MSS51: variants seen among roughly 807,000 people sequenced by gnomAD.
MSS51 encodes MSS51 mitochondrial translational activator.
In MSS51, 32 loss-of-function variants were observed where a neutral mutation model predicts 40.2. The ratio of observed to expected loss-of-function variants is 0.80; its 90% confidence interval spans 0.60 to 1.07. The LOEUF (loss-of-function observed/expected upper bound fraction) is 1.07. MSS51 is among the 50% of genes least tolerant of loss of function. The pLI is 0.00. For synonymous variants in MSS51, 178 were observed against 214.2 expected, an observed-to-expected ratio of 0.83 and a Z score of 1.48; for missense variants, 518 against 568.9, an observed-to-expected ratio of 0.91 and a Z score of 0.91.
intron 3 of MSS51, 107 bp from the exon 4 acceptor site, chr10:73,426,838 G>A (rs2055993216): frequency 1.3e-5 from 18 of 1,344,728 alleles, no homozygotes; most frequent in Admixed American, 2.0e-5. Flanking sequence ...GGTAAGGAAG[G>A]TAGGGAGAGG....
chr10:73,426,738 G>T lies in MSS51; in HGVS notation c.378-7C>A, dbSNP rs781347033. The T allele has an allele frequency of 9.3e-6, 15 of 1,613,594 alleles. No individual in the cohort carries two copies. The highest frequency in any genetic ancestry group is 1.6e-4 in the Middle Eastern group (1 of 6,080). On this transcript the variant is annotated splice_polypyrimidine_tract_variant and splice_region_variant and intron_variant, in intron 3 of 6. Coordinates refer to ENST00000299432, the MANE Select transcript of MSS51 (RefSeq NM_001024593.2). ...GTAATAGACATTTCTGCACCTGAGA[G>T]AATGAGAGAGAAATAGTTCTTATAC...
In MSS51 at chr10:73,428,228, G is replaced by A. The variant is rs780825965; in HGVS notation, c.57C>T (p.Pro19=). The part of the protein sequence containing the change: ...RHKKPPSSVA[P]IIMAPTTIVT... Reference sequence around the variant, plus strand: ...CAATTGTGGTTGGGGCCATGATGATGGGAGCCACTGATGAGGGAGGTTTCT... The same window carrying A: ...CAATTGTGGTTGGGGCCATGATGATAGGAGCCACTGATGAGGGAGGTTTCT... Residue 19 remains proline, a synonymous_variant, in exon 2 of 7, where the codon CCC becomes CCT. Transcript: ENST00000299432. The A allele has an allele frequency of 6.8e-6, 11 of 1,614,120 alleles. No homozygotes were observed. The South Asian group carries it at 1.1e-4, about 16-fold the overall frequency.
chr10:73,428,025 G>C lies in MSS51; in HGVS notation c.221+39C>G, dbSNP rs762948894. On this transcript the variant is annotated intron_variant, in intron 2 of 6. Transcript: ENST00000299432. ...CACCTTCTGAAATTTACTTCTACCA[G>C]AGACAATATATCCCTTTTCCATAGA... The C allele has an allele frequency of 4.4e-6, 7 of 1,581,064 alleles. No homozygotes were observed. The South Asian group carries it at 6.7e-5, about 15-fold the overall frequency.
At chr10:73,432,124 C>T (rs1211360697) in intron 1 of MSS51, among the ~76,000 whole-genome samples, 1 of 152,182 alleles carries the variant, frequency 6.6e-6, no homozygotes, top group East Asian at 1.9e-4. Flanking sequence ...CTGCAACCTC[C>T]ACCTCCCGGG....
At chr10:73,433,461 T>C (rs1254654371) in intron 1 of MSS51, 52 bp downstream of exon 1, 1 of 152,160 alleles carries the variant, frequency 6.6e-6, no homozygotes, top group Non-Finnish European at 1.5e-5. Context: ...ATAAATACTT[T>C]ACTCAATTAT....
At chr10:73,425,620 C>T (rs1216079252) in intron 5 of MSS51, among the ~76,000 whole-genome samples, 191 bp downstream of exon 5, 2 of 150,514 alleles carry the variant, frequency 1.3e-5, no homozygotes, top group African/African-American at 2.5e-5. Context: ...CGAGATCGCG[C>T]CACTGCACTC....
intron 4 of MSS51, 52 bp from the exon 5 acceptor site, chr10:73,426,429 T>C (rs779197654): frequency 3.8e-6 from 6 of 1,580,428 alleles, no homozygotes; most frequent in Non-Finnish European, 4.3e-6. Flanking sequence ...GGCTTCAAAA[T>C]TTCCCCCTCA....
chr10:73,426,780 G>C, intron 3 of MSS51, 49 bp from the exon 4 acceptor site: 1 of 1,595,982 alleles, frequency 6.3e-7, no homozygotes. Flanking sequence ...TATGATTGGG[G>C]TTATCGGAGG....
chr10:73,425,020 G>T (rs1208619214), intron 6 of MSS51, 78 bp downstream of exon 6: 3 of 1,156,628 alleles, frequency 2.6e-6, no homozygotes, highest in South Asian at 1.3e-5. Flanking sequence ...ATGAGCAAGA[G>T]GGGGGCAAAA....
chr10:73,429,143 T>C (rs919267673), intron 1 of MSS51, among the ~76,000 whole-genome samples: 1 of 151,772 alleles, frequency 6.6e-6, no homozygotes, highest in Non-Finnish European at 1.5e-5. Flanking sequence ...GAGGCGGAGG[T>C]TGCGGTGAGC....
At chr10:73,430,348 T>A (rs2056018955) in intron 1 of MSS51, among the ~76,000 whole-genome samples, 1 of 151,952 alleles carries the variant, frequency 6.6e-6, no homozygotes, top group Admixed American at 6.6e-5. Flanking sequence ...AAGAAAATAT[T>A]TGCACACCAT....
At chr10:73,430,122 TA>T (rs1270329168) in intron 1 of MSS51, among the ~76,000 whole-genome samples, 2 of 152,218 alleles carry the variant, frequency 1.3e-5, no homozygotes, top group Non-Finnish European at 2.9e-5. Flanking sequence ...TTTGAATGTT[TA>T]AAGTATAAAG....
chr10:73,428,965 G>C (rs1161961639), intron 1 of MSS51, among the ~76,000 whole-genome samples: 1 of 151,882 alleles, frequency 6.6e-6, no homozygotes, highest in African/African-American at 2.4e-5. Flanking sequence ...AGCACTTTGG[G>C]AGGCTGAGGC....
intron 6 of MSS51, 48 bp from the exon 7 acceptor site, chr10:73,424,820 T>C: frequency 6.6e-7 from 1 of 1,511,572 alleles, no homozygotes; most frequent in Non-Finnish European, 9.2e-7. Flanking sequence ...GTGACAGAGA[T>C]AAAGGAAAAA....
In MSS51 at chr10:73,425,988, C is replaced by T. The variant is rs761892964; in HGVS notation, c.892G>A (p.Val298Met). Residue 298 changes from valine to methionine, a missense_variant, in exon 5 of 7, where the codon GTG becomes ATG. Val to Met is a conservative substitution (Grantham distance 21, BLOSUM62 1). Transcript: ENST00000299432. The stretch of plus-strand genomic sequence containing the variant: ...GCTACATCTACACCCACCATGACCA[C>T]ACGGAGTCCAAGGTGCCCAGGAAAC... The part of the protein sequence containing the change: ...YMFPGHLGLR[V>M]VMVGVDVATG... The T allele has an allele frequency of 6.2e-7, 1 of 1,614,082 alleles. No homozygotes were observed. The highest frequency in any genetic ancestry group is 1.3e-5 in the African/African-American group (1 of 74,934).
At chr10:73,427,848 C>A (rs1489690004) in intron 2 of MSS51, 80 bp from the exon 3 acceptor site, 7 of 1,506,334 alleles carry the variant, frequency 4.6e-6, no homozygotes, top group Non-Finnish European at 6.3e-6. Flanking sequence ...ATCTTGTCTC[C>A]TACACATTTC....
rs145869758 is a variant in MSS51, at chr10:73,425,913, T to C, written c.967A>G (p.Ile323Val). ...AGGCCCCTGTGGGCACTAAGCTGAA[T>C]TGTGCCAGGTTCCAGGGGTGAAGTT... ...TSTSPLEPGT[I>V]QLSAHRGLYH... Residue 323 changes from isoleucine (I) to valine (V), a missense_variant, in exon 5 of 7, where the codon ATT becomes GTT. Coordinates refer to ENST00000299432, the MANE Select transcript of MSS51 (RefSeq NM_001024593.2). The C allele has an allele frequency of 5.3e-5, 86 of 1,614,008 alleles. No individual in the cohort carries two copies. In the South Asian group the frequency reaches 5.6e-4, roughly 11 times the overall value.
At chr10:73,431,184 A>G (rs1372831814) in intron 1 of MSS51, among the ~76,000 whole-genome samples, 1 of 152,208 alleles carries the variant, frequency 6.6e-6, no homozygotes, top group Non-Finnish European at 1.5e-5. Context: ...TGGGGTGATA[A>G]AAATGTTTTG....
chr10:73,425,501 C>T (rs953669386), intron 5 of MSS51, among the ~76,000 whole-genome samples: 4 of 151,688 alleles, frequency 2.6e-5, no homozygotes, highest in African/African-American at 9.7e-5. Flanking sequence ...AGTGAAACCC[C>T]GCCTCTACTA....
Sources: gnomAD v4.1 joint callset for allele counts (sites outside exome capture counted in the v4.1 genomes callset) on GRCh38, gnomAD v4.1.1 for gene constraint, MANE v1.5 for transcripts, NCBI Gene and HGNC (gene_info 2026-07-23, HGNC 2026-07-21) for gene names.